Variants in IFNAR2 observed in about 807,000 individuals in gnomAD.
IFNAR2 encodes interferon alpha/beta receptor 2.
A neutral mutation model predicts 49.4 loss-of-function variants in IFNAR2; 30 were observed. The ratio of observed to expected loss-of-function variants is 0.61; its 90% CI spans 0.45 to 0.82. The LOEUF (loss-of-function observed/expected upper bound fraction) is 0.82. IFNAR2 is among the 40% of genes least tolerant of loss of function. The pLI, the probability that IFNAR2 is intolerant of heterozygous loss-of-function variation, is 0.00. For missense variants in IFNAR2, 600 were observed against 622.7 expected (o/e 0.96, Z 0.39); for synonymous variants, 224 against 234.5 (o/e 0.96, Z 0.41).
chr21:33,248,885 A>G (rs1298128970), intron 6 of IFNAR2, 31 bp downstream of exon 6: 5 of 1,486,298 alleles, frequency 3.4e-6, no homozygotes, highest in Non-Finnish European at 4.6e-6. Context: ...GGATCAAAAC[A>G]GTTCTGAGTG....
At chr21:33,251,851 G>A in intron 6 of IFNAR2, 1 of 819,444 alleles carries the variant, frequency 1.2e-6, no homozygotes, top group African/African-American at 1.9e-5. Flanking sequence ...GGAAGGCCAA[G>A]GCAGGCAGAT....
At chr21:33,258,276 G>C (rs1045049946) in intron 7 of IFNAR2, among the ~76,000 whole-genome samples, 1 of 152,204 alleles carries the variant, frequency 6.6e-6, no homozygotes, top group Admixed American at 6.5e-5. Flanking sequence ...CTGTACTCCA[G>C]CCTGAGCTAC....
Position 33,250,432 on chromosome 21 carries a change from A to T in IFNAR2, c.540+1578A>T, listed in dbSNP as rs546182278. On this transcript the variant is annotated intron_variant, in intron 6 of 8. Transcript: ENST00000342136. ...TTAGCCTTTAAATCCAGAAAAAAAA[A>T]TAAGCTACTAGTATAATCTAAGCAA... Among the ~76,000 whole-genome samples, 465 of 152,348 alleles carry T rather than the reference A, an allele frequency of 3.1e-3. 4 individuals carry two copies. The highest frequency in any genetic ancestry group is 0.01 in the Middle Eastern group (3 of 294).
At chr21:33,244,340 A>C (rs773283460) in intron 3 of IFNAR2, among the ~76,000 whole-genome samples, 14 of 152,226 alleles carry the variant, frequency 9.2e-5, no homozygotes, top group Non-Finnish European at 1.6e-4. Flanking sequence ...ACATTGTATA[A>C]TTCAACTCAG....
intron 2 of IFNAR2, among the ~76,000 whole-genome samples, chr21:33,242,449 G>A (rs1987007466): frequency 6.6e-6 from 1 of 152,140 alleles, no homozygotes; most frequent in African/African-American, 2.4e-5. Context: ...GATCTCGTGT[G>A]TGTCCGGGCG....
rs1987431928 is a variant in IFNAR2, at chr21:33,246,665, T to C, written c.222-53T>C. The C allele has an allele frequency of 2.1e-6, 3 of 1,441,022 alleles. No individual in the cohort carries two copies. In the Admixed American group the frequency reaches 5.9e-5, roughly 29 times the overall value. 89.3% of individuals were successfully genotyped at this position (1,441,022 alleles called of 1,614,324 possible). Reference sequence around the variant, plus strand: ...TGAAGTAAGGCGCCCAAAAATAGACTCTCATTACATCAATGCTAACAATTT... The same window carrying C: ...TGAAGTAAGGCGCCCAAAAATAGACCCTCATTACATCAATGCTAACAATTT... On this transcript the variant is annotated intron_variant, in intron 4 of 8. Coordinates refer to ENST00000342136, the MANE Select transcript of IFNAR2 (RefSeq NM_001289125.3).
chr21:33,257,719 G>A (rs1423364965), intron 7 of IFNAR2, among the ~76,000 whole-genome samples: 1 of 152,186 alleles, frequency 6.6e-6, no homozygotes, highest in Non-Finnish European at 1.5e-5. Context: ...CACCCAGGAA[G>A]TCCAGCTGGC....
chr21:33,250,124 T>C (rs1037906537), intron 6 of IFNAR2, among the ~76,000 whole-genome samples: 2 of 152,176 alleles, frequency 1.3e-5, no homozygotes, highest in Non-Finnish European at 2.9e-5. Context: ...AGTAACAAAT[T>C]ATATGATTAT....
chr21:33,261,448 G>T (rs1264051304), intron 8 of IFNAR2, among the ~76,000 whole-genome samples: 3 of 152,066 alleles, frequency 2.0e-5, no homozygotes, highest in African/African-American at 7.2e-5. Flanking sequence ...CAGCTAAAGG[G>T]CATTTGGATT....
intron 2 of IFNAR2, among the ~76,000 whole-genome samples, chr21:33,243,363 G>A (rs182216084): frequency 1.3e-5 from 2 of 152,198 alleles, no homozygotes; most frequent in East Asian, 1.9e-4. Context: ...GATTACAGAC[G>A]TGAGCCACGA....
chr21:33,251,515 G>T, intron 6 of IFNAR2: 1 of 981,252 alleles, frequency 1.0e-6, no homozygotes, highest in Non-Finnish European at 1.2e-6. Context: ...GAAGGAGATT[G>T]TGTGCTGGCC....
intron 8 of IFNAR2, among the ~76,000 whole-genome samples, chr21:33,261,887 A>C: frequency 1.3e-5 from 2 of 152,236 alleles, no homozygotes; most frequent in South Asian, 4.2e-4. Flanking sequence ...AAAAATATAT[A>C]AATATCTTAA....
intron 1 of IFNAR2, among the ~76,000 whole-genome samples, chr21:33,236,096 G>C (rs952308001): frequency 1.3e-5 from 2 of 152,100 alleles, no homozygotes; most frequent in Admixed American, 1.3e-4. Context: ...AGGTTCCCTT[G>C]AACTAGCCAG....
intron 1 of IFNAR2, among the ~76,000 whole-genome samples, chr21:33,241,453 C>A (rs1986915980): frequency 6.6e-6 from 1 of 152,158 alleles, no homozygotes; most frequent in South Asian, 2.1e-4. Context: ...ATAGAAAGAT[C>A]TTCCAAACAT....
intron 1 of IFNAR2, among the ~76,000 whole-genome samples, chr21:33,231,076 A>G (rs765292092): frequency 1.4e-4 from 21 of 151,796 alleles, no homozygotes; most frequent in Non-Finnish European, 2.2e-4. Context: ...TTGGGCGTTG[A>G]TTCAGTGGTG....
Position 33,265,574 on chromosome 21 carries a change from AGT to A in IFNAR2, c.*2087_*2088del, listed in dbSNP as rs932778492. On this transcript the variant is annotated 3_prime_UTR_variant, in exon 9 of 9. Transcript: ENST00000342136. ...TTTTGCGATAACCTCTATGGCTGTG[AGT>A]GTGTGTGTGTGTTTGTGTATTTTTT... The A allele has an allele frequency of 6.4e-4, 115 of 178,896 alleles. No homozygotes were observed. Among genetic ancestry groups the A allele is most frequent in the South Asian group, 1.9e-3 (22 of 11,774 alleles). 11.1% of individuals were successfully genotyped at this position (178,896 alleles called of 1,614,324 possible). A position where few individuals can be genotyped will look rare whatever the true frequency, so the allele number is the denominator to read the frequency against.
chr21:33,245,754 CCTAGAGCTG>C (rs1377898540), intron 4 of IFNAR2, among the ~76,000 whole-genome samples: 1 of 152,172 alleles, frequency 6.6e-6, no homozygotes, highest in Non-Finnish European at 1.5e-5. Flanking sequence ...ATTTATTTGG[CCTAGAGCTG>C]CTGCTGCTAC....
At chr21:33,235,844 T>C (rs1357885760) in intron 1 of IFNAR2, among the ~76,000 whole-genome samples, 1 of 151,606 alleles carries the variant, frequency 6.6e-6, no homozygotes, top group East Asian at 1.9e-4. Context: ...GAGAATGGAG[T>C]GAACTCGGAA....
chr21:33,238,485 CA>C (rs913233084), intron 1 of IFNAR2, among the ~76,000 whole-genome samples: 5 of 151,996 alleles, frequency 3.3e-5, no homozygotes, highest in African/African-American at 1.2e-4. Context: ...TGGATGGGGA[CA>C]GAATATCTGA....
Sources: gnomAD v4.1 joint callset for allele counts (sites outside exome capture counted in the v4.1 genomes callset) on GRCh38, gnomAD v4.1.1 for gene constraint, MANE v1.5 for transcripts, NCBI Gene and HGNC (gene_info 2026-07-23, HGNC 2026-07-21) for gene names.